The following DGKB variants were observed in gnomAD, a reference collection of about 807,000 sequenced individuals.
DGKB encodes diacylglycerol kinase beta.
DGKB carries 67 observed loss-of-function variants against 114.3 expected under a neutral mutation model. That is an observed-to-expected ratio of 0.59 (90% CI 0.48 to 0.72). The LOEUF is 0.72. Among genes scored for constraint, DGKB ranks in the 30% least tolerant of loss-of-function variants. DGKB has a pLI of 0.00. For missense variants in DGKB, 907 were observed against 975.2 expected, an observed-to-expected ratio of 0.93 and a Z score of 0.93; for synonymous variants, 398 against 323.1, an observed-to-expected ratio of 1.23 and a Z score of -2.49.
rs1801078782 is a variant in DGKB, at chr7:14,287,608, T to C, written c.2122+50907A>G. On this transcript the variant is annotated intron_variant, in intron 23 of 25. Transcript: ENST00000402815. Reference sequence around the variant, plus strand: ...ACTATAAATACAAGAGTAGTATCTGTGGTTAATGTGATATTAGACCCTCAA... The same window carrying C: ...ACTATAAATACAAGAGTAGTATCTGCGGTTAATGTGATATTAGACCCTCAA... Among the ~76,000 whole-genome samples, 2 of 152,166 alleles carry C rather than the reference T, an allele frequency of 1.3e-5. 1 individual carries two copies. Among genetic ancestry groups the C allele is most frequent in the Admixed American group, 1.3e-4 (2 of 15,268 alleles).
chr7:14,310,335 T>C (rs1805177269), intron 23 of DGKB, among the ~76,000 whole-genome samples: 1 of 152,108 alleles, frequency 6.6e-6, no homozygotes, highest in South Asian at 2.1e-4. Context: ...ATGGGAACGA[T>C]AGAATCTCTA....
intron 23 of DGKB, among the ~76,000 whole-genome samples, chr7:14,249,808 T>G (rs1458691877): frequency 3.9e-5 from 6 of 152,240 alleles, no homozygotes; most frequent in African/African-American, 1.4e-4. Context: ...TTTAAAATCA[T>G]TTTCTCATGT....
At chr7:14,769,130 A>AAAGG (rs1836957064) in intron 2 of DGKB, among the ~76,000 whole-genome samples, 2 of 147,994 alleles carry the variant, frequency 1.4e-5, no homozygotes, top group Non-Finnish European at 3.0e-5. Context: ...AGAAAGAGAG[A>AAAGG]GAGAGAAAGA....
chr7:14,729,253 G>A (rs1329805661), intron 5 of DGKB, among the ~76,000 whole-genome samples: 1 of 149,326 alleles, frequency 6.7e-6, no homozygotes, highest in Non-Finnish European at 1.5e-5. Context: ...CTCCCGAGTA[G>A]CTGGGACTAC....
intron 22 of DGKB, among the ~76,000 whole-genome samples, chr7:14,342,958 T>C (rs1023750964): frequency 1.3e-5 from 2 of 151,906 alleles, no homozygotes; most frequent in Admixed American, 1.3e-4. Context: ...TAGTTTATTC[T>C]GTTATATATT....
At chr7:14,821,068 TA>T (rs544233960) in intron 2 of DGKB, among the ~76,000 whole-genome samples, 2 of 152,114 alleles carry the variant, frequency 1.3e-5, no homozygotes, top group East Asian at 1.9e-4. Context: ...CACTTAGAGA[TA>T]AAAAAAGGTC....
At chr7:14,429,089 A>G (rs1828030055) in intron 21 of DGKB, among the ~76,000 whole-genome samples, 1 of 152,170 alleles carries the variant, frequency 6.6e-6, no homozygotes, top group Non-Finnish European at 1.5e-5. Flanking sequence ...TATTGAAAAC[A>G]GAAGATTCTA....
intron 15 of DGKB, among the ~76,000 whole-genome samples, chr7:14,614,744 C>A (rs1806211116): frequency 2.0e-5 from 3 of 152,092 alleles, no homozygotes; most frequent in Admixed American, 2.0e-4. Context: ...CGTAATTTTT[C>A]TATTCATATC....
At chr7:14,177,124 A>T (rs1188767100) in intron 24 of DGKB, among the ~76,000 whole-genome samples, 1 of 152,126 alleles carries the variant, frequency 6.6e-6, no homozygotes, top group Non-Finnish European at 1.5e-5. Context: ...AGTGACATTT[A>T]AAAAAATTCT....
At chr7:14,157,890 C>G (rs1783267306) in intron 25 of DGKB, among the ~76,000 whole-genome samples, 1 of 152,140 alleles carries the variant, frequency 6.6e-6, no homozygotes, top group African/African-American at 2.4e-5. Context: ...CTTTTCTTAA[C>G]TAGAGAATAT....
chr7:14,159,127 A>C (rs1307453571), intron 25 of DGKB, among the ~76,000 whole-genome samples: 1 of 151,964 alleles, frequency 6.6e-6, no homozygotes, highest in Non-Finnish European at 1.5e-5. Flanking sequence ...AAAGCTAAAC[A>C]TTTCTCATGA....
chr7:14,670,082 TATTTG>T (rs1563856622), intron 13 of DGKB, among the ~76,000 whole-genome samples: 4 of 152,114 alleles, frequency 2.6e-5, no homozygotes, highest in African/African-American at 9.7e-5. Flanking sequence ...AATAAAGGCC[TATTTG>T]ATCTATAAAT....
chr7:14,265,017 T>G (rs1287158556), intron 23 of DGKB, among the ~76,000 whole-genome samples: 2 of 152,178 alleles, frequency 1.3e-5, no homozygotes, highest in African/African-American at 4.8e-5. Flanking sequence ...TGGCAGAATC[T>G]GTAAGGACTT....
At chr7:14,660,608 T>G (rs1168096657) in intron 13 of DGKB, among the ~76,000 whole-genome samples, 2 of 152,004 alleles carry the variant, frequency 1.3e-5, no homozygotes, top group African/African-American at 4.8e-5. Context: ...TTCTTCTCTC[T>G]TTTTTTCTTT....
chr7:14,647,502 A>C (rs531546268), intron 13 of DGKB, among the ~76,000 whole-genome samples: 1 of 152,246 alleles, frequency 6.6e-6, no homozygotes, highest in Admixed American at 6.5e-5. Flanking sequence ...TCACCCTGAT[A>C]ACAAAACGAA....
intron 21 of DGKB, among the ~76,000 whole-genome samples, chr7:14,438,292 G>A (rs1284688274): frequency 3.9e-5 from 6 of 152,052 alleles, no homozygotes; most frequent in South Asian, 2.1e-4. Context: ...TGATGGAGTC[G>A]AATTAGTAGG....
At chr7:14,745,090 C>A (rs948348450) in intron 4 of DGKB, among the ~76,000 whole-genome samples, 9 of 152,168 alleles carry the variant, frequency 5.9e-5, no homozygotes, top group African/African-American at 2.2e-4. Flanking sequence ...CCAATCTTAG[C>A]AGGCATAATT....
intron 1 of DGKB, among the ~76,000 whole-genome samples, chr7:14,842,917 A>C (rs890821370): frequency 1.3e-5 from 2 of 152,190 alleles, no homozygotes. Flanking sequence ...TTCTTTTAAT[A>C]AAGGATTAAG....
chr7:14,687,522 TATTTA>T (rs538049258), intron 9 of DGKB, among the ~76,000 whole-genome samples: 55 of 152,298 alleles, frequency 3.6e-4, no homozygotes, highest in African/African-American at 1.3e-3. Context: ...ATACTTTATA[TATTTA>T]ACTTTGCTAT....
Sources: gnomAD v4.1 joint callset for allele counts (sites outside exome capture counted in the v4.1 genomes callset) on GRCh38, gnomAD v4.1.1 for gene constraint, MANE v1.5 for transcripts, NCBI Gene and HGNC (gene_info 2026-07-23, HGNC 2026-07-21) for gene names.